ZRANB3: variants seen among roughly 807,000 people sequenced by gnomAD.
ZRANB3 encodes the protein zinc finger RANBP2-type containing 3.
A neutral mutation model predicts 133.8 loss-of-function variants in ZRANB3; 125 were observed. The ratio of observed to expected loss-of-function variants is 0.93; its 90% CI spans 0.81 to 1.08. The LOEUF is 1.08. Among genes scored for constraint, ZRANB3 ranks in the 50% least tolerant of loss-of-function variants. The pLI, the probability that ZRANB3 is intolerant of heterozygous loss-of-function variation, is 0.00. For synonymous variants in ZRANB3, 387 were observed against 432.7 expected (o/e 0.89, Z 1.31); for missense variants, 1,229 against 1,275.5 (o/e 0.96, Z 0.56).
intron 3 of ZRANB3, among the ~76,000 whole-genome samples, chr2:135,356,932 C>T (rs910571548): frequency 2.0e-5 from 3 of 152,154 alleles, no homozygotes; most frequent in Non-Finnish European, 2.9e-5. Flanking sequence ...GATCCACCTA[C>T]CTTAGCCTTC....
intron 1 of ZRANB3, 79 bp from the exon 2 acceptor site, chr2:135,504,575 A>G (rs1339670518): frequency 2.4e-6 from 3 of 1,247,740 alleles, no homozygotes; most frequent in Non-Finnish European, 3.3e-6. Flanking sequence ...TCACATATAA[A>G]TAATATTAAA....
intron 2 of ZRANB3, among the ~76,000 whole-genome samples, chr2:135,434,909 C>A (rs1291565234): frequency 1.3e-5 from 2 of 151,984 alleles, no homozygotes; most frequent in East Asian, 3.9e-4. Flanking sequence ...TAGGCAAATG[C>A]AGCAACAGAA....
chr2:135,421,466 T>C (rs1688838327), intron 2 of ZRANB3, among the ~76,000 whole-genome samples: 1 of 152,170 alleles, frequency 6.6e-6, no homozygotes, highest in South Asian at 2.1e-4. Context: ...GGTATGAAAT[T>C]TCTATAAAGT....
chr2:135,461,787 T>A (rs1326997487), intron 2 of ZRANB3, among the ~76,000 whole-genome samples: 1 of 152,200 alleles, frequency 6.6e-6, no homozygotes, highest in African/African-American at 2.4e-5. Context: ...GTTCTGCCAC[T>A]TTGTCTGAGA....
intron 2 of ZRANB3, 86 bp downstream of exon 2, chr2:135,504,243 C>T (rs753927752): frequency 1.3e-6 from 2 of 1,508,696 alleles, no homozygotes; most frequent in East Asian, 2.3e-5. Context: ...ACTGTGAATA[C>T]ACGAAAAGAA....
chr2:135,353,422 T>G, intron 4 of ZRANB3, 28 bp downstream of exon 4: 3 of 1,497,234 alleles, frequency 2.0e-6, no homozygotes, highest in Non-Finnish European at 2.7e-6. Flanking sequence ...AAGACTTTTC[T>G]CCTTAAATAT....
At chr2:135,274,773 C>A (rs1414337844) in intron 9 of ZRANB3, among the ~76,000 whole-genome samples, 13 of 152,030 alleles carry the variant, frequency 8.6e-5, no homozygotes. Flanking sequence ...GACCCTGCGG[C>A]CTTCCGCAGT....
At chr2:135,493,625 T>C (rs963609043) in intron 2 of ZRANB3, among the ~76,000 whole-genome samples, 1 of 152,196 alleles carries the variant, frequency 6.6e-6, no homozygotes, top group African/African-American at 2.4e-5. Flanking sequence ...TCTCGAATAG[T>C]CATTCATTTT....
intron 6 of ZRANB3, among the ~76,000 whole-genome samples, chr2:135,344,044 G>T (rs1327218260): frequency 3.9e-5 from 6 of 152,134 alleles, no homozygotes; most frequent in Admixed American, 3.9e-4. Flanking sequence ...TTTCCCCTAT[G>T]CATATGGCAT....
At chr2:135,482,830 T>C (rs1202778707) in intron 2 of ZRANB3, among the ~76,000 whole-genome samples, 5 of 152,120 alleles carry the variant, frequency 3.3e-5, no homozygotes, top group Non-Finnish European at 5.9e-5. Flanking sequence ...GCATGAAGGG[T>C]TGTTGAATTT....
At chr2:135,504,642 T>A (rs1693094078) in intron 1 of ZRANB3, 146 bp from the exon 2 acceptor site, 2 of 774,808 alleles carry the variant, frequency 2.6e-6, no homozygotes, top group South Asian at 4.7e-5. Context: ...ATTCTCACAG[T>A]AAGCTACTAA....
At chr2:135,280,775 C>T (rs1681068014) in intron 8 of ZRANB3, among the ~76,000 whole-genome samples, 1 of 152,074 alleles carries the variant, frequency 6.6e-6, no homozygotes, top group African/African-American at 2.4e-5. Flanking sequence ...AAGACAAAAA[C>T]TTCAAACCTG....
intron 8 of ZRANB3, among the ~76,000 whole-genome samples, chr2:135,312,718 A>G (rs2104823542): frequency 6.6e-6 from 1 of 152,304 alleles, no homozygotes; most frequent in East Asian, 1.9e-4. Flanking sequence ...GAATACTAAT[A>G]ATAAAGATGA....
intron 6 of ZRANB3, among the ~76,000 whole-genome samples, chr2:135,335,624 C>T (rs868140119): frequency 6.6e-6 from 1 of 152,000 alleles, no homozygotes; most frequent in Non-Finnish European, 1.5e-5. Flanking sequence ...ACCAGGGAAG[C>T]GGAGGTTGCA....
intron 2 of ZRANB3, among the ~76,000 whole-genome samples, chr2:135,471,104 C>CT (rs11443441): frequency 0.27 from 38,455 of 142,704 alleles, 8,329 homozygotes; most frequent in African/African-American, 0.59. Context: ...CCCGGCCTCA[C>CT]TTTTTTTTTT....
intron 12 of ZRANB3, among the ~76,000 whole-genome samples, chr2:135,245,487 TG>T (rs1009515237): frequency 6.6e-6 from 1 of 152,092 alleles, no homozygotes; most frequent in Non-Finnish European, 1.5e-5. Context: ...AATCTCACTC[TG>T]TTGCCCAGGT....
At chr2:135,389,824 CCATTTCCTT>C (rs989192922) in intron 3 of ZRANB3, among the ~76,000 whole-genome samples, 77 of 151,146 alleles carry the variant, frequency 5.1e-4, no homozygotes, top group Non-Finnish European at 1.0e-3. Context: ...AATTCAGTTT[CCATTTCCTT>C]CATTTCTAAT....
chr2:135,434,554 T>C (rs956154315), intron 2 of ZRANB3, among the ~76,000 whole-genome samples: 7 of 152,242 alleles, frequency 4.6e-5, no homozygotes, highest in African/African-American at 1.4e-4. Flanking sequence ...TAAAGGAACA[T>C]AGTTTCTCTT....
At chr2:135,527,207 C>T (rs1694200977) in intron 1 of ZRANB3, among the ~76,000 whole-genome samples, 1 of 152,126 alleles carries the variant, frequency 6.6e-6, no homozygotes, top group Admixed American at 6.6e-5. Context: ...TGTCGACAAT[C>T]ATCTGGCACC....
Sources: gnomAD v4.1 joint callset for allele counts (sites outside exome capture counted in the v4.1 genomes callset) on GRCh38, gnomAD v4.1.1 for gene constraint, MANE v1.5 for transcripts, NCBI Gene and HGNC (gene_info 2026-07-23, HGNC 2026-07-21) for gene names.